RHOBTB3: variants seen among roughly 807,000 people sequenced by gnomAD.
The protein encoded by RHOBTB3 is rho-related BTB domain-containing protein 3.
A neutral mutation model predicts 67.2 loss-of-function variants in RHOBTB3; 47 were observed. That is an observed-to-expected ratio of 0.70 (90% CI 0.55 to 0.89). The LOEUF (loss-of-function observed/expected upper bound fraction) is 0.89, where lower values mean the gene tolerates loss of function less well. RHOBTB3 is among the 40% of genes least tolerant of loss of function. The probability of loss-of-function intolerance (pLI) is 0.00; values close to 1 mark genes in which losing one functional copy is unlikely to be tolerated. For missense variants in RHOBTB3, 631 were observed against 750.0 expected, an observed-to-expected ratio of 0.84 and a Z score of 1.85; for synonymous variants, 273 against 274.2, an observed-to-expected ratio of 1.00 and a Z score of 0.04.
chr5:95,783,585 A>AAAT, intron 9 of RHOBTB3: 1 of 238,300 alleles, frequency 4.2e-6, no homozygotes, highest in Non-Finnish European at 7.8e-6. Flanking sequence ...AAAAAAAAAA[A>AAAT]GAAGAAGAAG....
At chr5:95,777,423 C>T (rs1745920136) in intron 8 of RHOBTB3, among the ~76,000 whole-genome samples, 1 of 152,166 alleles carries the variant, frequency 6.6e-6, no homozygotes, top group Non-Finnish European at 1.5e-5. Context: ...TTGTTTCACT[C>T]TTGTAGTTCT....
At chr5:95,757,369 A>G (rs1407342953) in intron 6 of RHOBTB3, among the ~76,000 whole-genome samples, 4 of 152,218 alleles carry the variant, frequency 2.6e-5, no homozygotes. Flanking sequence ...ACCCACTTCA[A>G]ATCATGTAGC....
intron 6 of RHOBTB3, chr5:95,756,044 C>A: frequency 2.9e-6 from 1 of 342,490 alleles, no homozygotes; most frequent in Non-Finnish European, 5.3e-6. Flanking sequence ...TTTAAGAACA[C>A]AGTTCAGTGG....
chr5:95,748,587 T>G, intron 4 of RHOBTB3, 100 bp downstream of exon 4: 1 of 784,208 alleles, frequency 1.3e-6, no homozygotes, highest in Non-Finnish European at 2.0e-6. Flanking sequence ...AAAGCATGGT[T>G]TGTCTTACTT....
intron 8 of RHOBTB3, among the ~76,000 whole-genome samples, chr5:95,773,829 C>A (rs1383513771): frequency 6.6e-6 from 1 of 152,170 alleles, no homozygotes; most frequent in Non-Finnish European, 1.5e-5. Flanking sequence ...ACTGTGGTCA[C>A]TCTGGAAGCA....
At chr5:95,773,879 G>T (rs1745792012) in intron 8 of RHOBTB3, among the ~76,000 whole-genome samples, 1 of 152,174 alleles carries the variant, frequency 6.6e-6, no homozygotes, top group Non-Finnish European at 1.5e-5. Flanking sequence ...TGTACCTTTG[G>T]AATTCTTCCA....
intron 2 of RHOBTB3, 61 bp downstream of exon 2, chr5:95,732,145 C>A: frequency 6.7e-7 from 1 of 1,488,166 alleles, no homozygotes; most frequent in Non-Finnish European, 9.3e-7. Context: ...TTTTTTTTCC[C>A]CCTCCCCCTT....
chr5:95,722,844 T>A (rs1039598925), intron 1 of RHOBTB3, among the ~76,000 whole-genome samples: 3 of 152,246 alleles, frequency 2.0e-5, no homozygotes, highest in African/African-American at 7.2e-5. Context: ...AAGGCCAGAT[T>A]ACCAGATTTC....
At chr5:95,734,650 G>GT (rs1160989618) in intron 2 of RHOBTB3, among the ~76,000 whole-genome samples, 2 of 152,004 alleles carry the variant, frequency 1.3e-5, no homozygotes, top group African/African-American at 4.8e-5. Flanking sequence ...TTTCCCATCC[G>GT]TTTTTTTGGT....
intron 3 of RHOBTB3, 70 bp from the exon 4 acceptor site, chr5:95,748,263 C>A: frequency 8.5e-7 from 1 of 1,175,356 alleles, no homozygotes; most frequent in Admixed American, 2.4e-5. Context: ...GTTTAATGTT[C>A]AGATTGTCTG....
intron 4 of RHOBTB3, among the ~76,000 whole-genome samples, chr5:95,749,052 T>C (rs898664687): frequency 2.6e-5 from 4 of 152,228 alleles, no homozygotes; most frequent in African/African-American, 9.6e-5. Context: ...TGCAGTCATT[T>C]TGATGCTGAT....
chr5:95,754,908 G>A (rs1745197942), intron 5 of RHOBTB3, among the ~76,000 whole-genome samples: 1 of 152,176 alleles, frequency 6.6e-6, no homozygotes, highest in African/African-American at 2.4e-5. Flanking sequence ...TCTACTTCTG[G>A]TCCCAGGAGG....
intron 11 of RHOBTB3, among the ~76,000 whole-genome samples, chr5:95,790,679 CA>C (rs1385864362): frequency 1.3e-5 from 2 of 152,178 alleles, no homozygotes; most frequent in Non-Finnish European, 2.9e-5. Context: ...TGAGAACTCT[CA>C]TTCTGCAGTG....
At chr5:95,738,496 G>A (rs574701754) in intron 3 of RHOBTB3, among the ~76,000 whole-genome samples, 1 of 152,270 alleles carries the variant, frequency 6.6e-6, no homozygotes, top group African/African-American at 2.4e-5. Flanking sequence ...CTCTGCCCTC[G>A]TAAATGGATT....
chr5:95,788,147 G>A (rs1580432017), intron 10 of RHOBTB3, among the ~76,000 whole-genome samples: 1 of 152,262 alleles, frequency 6.6e-6, no homozygotes, highest in African/African-American at 2.4e-5. Context: ...GGGCACCAAG[G>A]TGATGATGTC....
intron 8 of RHOBTB3, among the ~76,000 whole-genome samples, chr5:95,775,165 C>A (rs1186917754): frequency 6.6e-6 from 1 of 152,004 alleles, no homozygotes; most frequent in Non-Finnish European, 1.5e-5. Flanking sequence ...TGCATTCTCT[C>A]ATGTATCCTA....
In RHOBTB3 at chr5:95,763,412, G is replaced by A. The variant is rs190331795; in HGVS notation, c.1049-96G>A. 6.3e-4 allele frequency: 444 copies of A among 706,934 alleles called. 2 individuals carry two copies. In the African/African-American group the frequency reaches 7.4e-3, roughly 12 times the overall value. 43.8% of individuals were successfully genotyped at this position (706,934 alleles called of 1,614,324 possible). Reference sequence around the variant, plus strand: ...GTATATCTGGTAAAGAAAAATTAAAGCACTAAAAAAAGGGAATGTTGTATT... The same window carrying A: ...GTATATCTGGTAAAGAAAAATTAAAACACTAAAAAAAGGGAATGTTGTATT... On this transcript the variant is annotated intron_variant, in intron 6 of 11. Coordinates refer to ENST00000379982, the MANE Select transcript of RHOBTB3 (RefSeq NM_014899.4).
intron 1 of RHOBTB3, among the ~76,000 whole-genome samples, chr5:95,722,960 C>T (rs1026275650): frequency 6.6e-6 from 1 of 152,156 alleles, no homozygotes; most frequent in Non-Finnish European, 1.5e-5. Context: ...TAAAACCAAA[C>T]AGTTGTTTTA....
intron 8 of RHOBTB3, among the ~76,000 whole-genome samples, chr5:95,773,647 T>C (rs976453797): frequency 6.6e-6 from 1 of 152,254 alleles, no homozygotes; most frequent in African/African-American, 2.4e-5. Flanking sequence ...TTAAGAGTTA[T>C]GTAACTAATA....
Sources: gnomAD v4.1 joint callset for allele counts (sites outside exome capture counted in the v4.1 genomes callset) on GRCh38, gnomAD v4.1.1 for gene constraint, MANE v1.5 for transcripts, NCBI Gene and HGNC (gene_info 2026-07-23, HGNC 2026-07-21) for gene names.